Variants in AKT3 observed in about 807,000 individuals in gnomAD.
AKT3 encodes AKT serine/threonine kinase 3.
AKT3 carries 15 observed loss-of-function variants against 65.3 expected under a neutral mutation model. The observed-to-expected ratio is 0.23, with a 90% confidence interval of 0.15 to 0.35. The LOEUF (loss-of-function observed/expected upper bound fraction) is 0.35, where lower values mean the gene tolerates loss of function less well. Ranked by LOEUF, AKT3 falls within the 10% of genes least tolerant of loss-of-function variation. The pLI is 1.00. For missense variants in AKT3, 243 were observed against 576.5 expected, an observed-to-expected ratio of 0.42 and a Z score of 5.92; for synonymous variants, 206 against 183.8, an observed-to-expected ratio of 1.12 and a Z score of -0.98.
At chr1:243,835,653 G>A (rs1694849740) in intron 2 of AKT3, among the ~76,000 whole-genome samples, 1 of 151,696 alleles carries the variant, frequency 6.6e-6, no homozygotes, top group South Asian at 2.1e-4. Flanking sequence ...AATGTGATTG[G>A]AGAGCCACAA....
intron 2 of AKT3, among the ~76,000 whole-genome samples, chr1:243,835,711 T>C (rs962115798): frequency 1.3e-5 from 2 of 152,168 alleles, no homozygotes; most frequent in African/African-American, 2.4e-5. Flanking sequence ...CAAGAACCTA[T>C]GATTGCCCTA....
At chr1:243,707,055 ATAAAT>A (rs746975921) in intron 2 of AKT3, among the ~76,000 whole-genome samples, 3 of 152,202 alleles carry the variant, frequency 2.0e-5, no homozygotes, top group Non-Finnish European at 2.9e-5. Context: ...TAATGGAGAA[ATAAAT>A]TAAAGTTTGT....
At chr1:243,663,273 G>C (rs1682511496) in intron 4 of AKT3, among the ~76,000 whole-genome samples, 1 of 152,228 alleles carries the variant, frequency 6.6e-6, no homozygotes, top group African/African-American at 2.4e-5. Context: ...TAGTCTATTA[G>C]AGTCAGAGGT....
At chr1:243,571,918 G>C (rs577024496) in intron 9 of AKT3, among the ~76,000 whole-genome samples, 33 of 152,242 alleles carry the variant, frequency 2.2e-4, no homozygotes, top group African/African-American at 5.8e-4. Flanking sequence ...ACATCTTATA[G>C]CTTCTATATA....
At position 243,676,158 on chromosome 1, in the gene AKT3, G is replaced by C. The variant is rs1310342477; in HGVS notation, c.173-11275C>G. Among the ~76,000 whole-genome samples the C allele has an allele frequency of 2.0e-5, 3 of 152,300 alleles. No individual in the cohort carries two copies. In the East Asian group the frequency reaches 5.8e-4, roughly 29 times the overall value. ...ATAAGGCAGGTCAACGAGTTGAAGT[G>C]AACGGGAGGTGATACTATTTTCGAA... On this transcript the variant is annotated intron_variant, in intron 3 of 13. Transcript: ENST00000673466.
chr1:243,591,290 C>T (rs886927915), intron 8 of AKT3, among the ~76,000 whole-genome samples: 4 of 152,130 alleles, frequency 2.6e-5, no homozygotes, highest in Non-Finnish European at 4.4e-5. Flanking sequence ...AGAAAGATCT[C>T]CTAAAAACTA....
chr1:243,673,846 C>T (rs1324793392), intron 3 of AKT3, among the ~76,000 whole-genome samples: 1 of 152,086 alleles, frequency 6.6e-6, no homozygotes, highest in Non-Finnish European at 1.5e-5. Flanking sequence ...GTCTCTTGAC[C>T]TCGTGATCCA....
At chr1:243,833,166 T>G (rs1241529148) in intron 2 of AKT3, among the ~76,000 whole-genome samples, 1 of 151,974 alleles carries the variant, frequency 6.6e-6, no homozygotes, top group African/African-American at 2.4e-5. Flanking sequence ...GCAGGAGAAT[T>G]GTTTGTACCT....
intron 2 of AKT3, among the ~76,000 whole-genome samples, chr1:243,754,707 C>G (rs779906005): frequency 6.6e-6 from 1 of 152,174 alleles, no homozygotes; most frequent in Non-Finnish European, 1.5e-5. Context: ...GAGAATCTAA[C>G]TAATACCTGA....
At chr1:243,517,267 G>T (rs1277109109) in intron 12 of AKT3, among the ~76,000 whole-genome samples, 1 of 152,108 alleles carries the variant, frequency 6.6e-6, no homozygotes, top group Middle Eastern at 3.2e-3. Flanking sequence ...GTGACCTTGA[G>T]AAAAATAAGT....
chr1:243,615,927 A>G (rs1678267295), intron 6 of AKT3, among the ~76,000 whole-genome samples: 2 of 151,814 alleles, frequency 1.3e-5, no homozygotes, highest in Non-Finnish European at 1.5e-5. Flanking sequence ...TTTTTTAGAG[A>G]TAGGGTCTTG....
intron 13 of AKT3, chr1:243,489,045 A>C: frequency 6.2e-7 from 1 of 1,613,448 alleles, no homozygotes; most frequent in South Asian, 1.1e-5. Flanking sequence ...CAGCCAGGCC[A>C]CAGCCCAGCA....
At chr1:243,796,615 T>C (rs1389863808) in intron 2 of AKT3, among the ~76,000 whole-genome samples, 3 of 152,212 alleles carry the variant, frequency 2.0e-5, no homozygotes, top group African/African-American at 7.2e-5. Flanking sequence ...TAATATATTC[T>C]GACAACACTG....
chr1:243,578,735 G>A (rs1675126130), intron 8 of AKT3, among the ~76,000 whole-genome samples: 2 of 152,112 alleles, frequency 1.3e-5, no homozygotes, highest in South Asian at 4.1e-4. Flanking sequence ...AATTCGGGTA[G>A]CAATGAGAGA....
At chr1:243,529,636 T>C (rs1165415480) in intron 12 of AKT3, among the ~76,000 whole-genome samples, 1 of 152,184 alleles carries the variant, frequency 6.6e-6, no homozygotes, top group Non-Finnish European at 1.5e-5. Flanking sequence ...ATTTATTCTG[T>C]CCCATTGGTC....
Position 243,800,452 on chromosome 1 carries a change from G to A in AKT3, c.46+42673C>T, listed in dbSNP as rs534919860. ...AAGAGATTATGGGCCAGGTGCAGTG[G>A]CTCACGCCTGTAATGCCAGCACTTT... On this transcript the variant is annotated intron_variant, in intron 2 of 13. Transcript: ENST00000673466. Among the ~76,000 whole-genome samples the A allele has an allele frequency of 4.7e-4, 72 of 152,228 alleles. 3 individuals carry two copies. Among genetic ancestry groups the A allele is most frequent in the Non-Finnish European group, 4.4e-5 (3 of 68,030 alleles).
At chr1:243,516,866 T>A (rs1017969465) in intron 12 of AKT3, among the ~76,000 whole-genome samples, 1 of 152,198 alleles carries the variant, frequency 6.6e-6, no homozygotes, top group African/African-American at 2.4e-5. Context: ...GAGATTATAG[T>A]TGTGAGCTAC....
At chr1:243,747,986 T>C (rs73128267) in intron 2 of AKT3, among the ~76,000 whole-genome samples, 8,114 of 152,170 alleles carry the variant, frequency 0.053, 742 homozygotes, top group African/African-American at 0.18. Context: ...GACCTGTAAA[T>C]TGTTTTATAC....
At chr1:243,798,699 TTAC>T (rs1204038239) in intron 2 of AKT3, among the ~76,000 whole-genome samples, 1 of 152,202 alleles carries the variant, frequency 6.6e-6, no homozygotes, top group Non-Finnish European at 1.5e-5. Flanking sequence ...TCACTCACTC[TTAC>T]TACATGTTCA....
Sources: gnomAD v4.1 joint callset for allele counts (sites outside exome capture counted in the v4.1 genomes callset) on GRCh38, gnomAD v4.1.1 for gene constraint, MANE v1.5 for transcripts, NCBI Gene and HGNC (gene_info 2026-07-23, HGNC 2026-07-21) for gene names.